Variants in TCTN2 observed in about 807,000 individuals in gnomAD.
The protein encoded by TCTN2 is tectonic family member 2.
TCTN2 carries 66 observed loss-of-function variants against 83.4 expected under a neutral mutation model. The observed-to-expected ratio is 0.79, with a 90% CI of 0.65 to 0.97. The LOEUF (loss-of-function observed/expected upper bound fraction) is 0.97. Among genes scored for constraint, TCTN2 ranks in the 50% least tolerant of loss-of-function variants. TCTN2 has a pLI of 0.00. For synonymous variants in TCTN2, 301 were observed against 326.7 expected, an observed-to-expected ratio of 0.92 and a Z score of 0.85; for missense variants, 794 against 858.1, an observed-to-expected ratio of 0.93 and a Z score of 0.93.
chr12:123,674,665 G>A lies in TCTN2; in HGVS notation c.463+855G>A, dbSNP rs73418112. On this transcript the variant is annotated intron_variant, in intron 4 of 17. Coordinates refer to ENST00000303372, the MANE Select transcript of TCTN2 (RefSeq NM_024809.5). ...TGTAAGTGCTTTGGGAGGCCAAGGC[G>A]GGGGAATTTCTTGAGCCCAGGAGTT... Among the ~76,000 whole-genome samples, 937 of 152,246 alleles carry A rather than the reference G, an allele frequency of 6.2e-3. 12 individuals carry two copies. The highest frequency in any genetic ancestry group is 0.021 in the African/African-American group (881 of 41,560).
intron 4 of TCTN2, among the ~76,000 whole-genome samples, chr12:123,678,576 C>T (rs1477433332): frequency 6.6e-6 from 1 of 152,004 alleles, no homozygotes; most frequent in Non-Finnish European, 1.5e-5. Context: ...GTGTGAGCCA[C>T]CCCGCCCAGC....
In TCTN2 at chr12:123,705,287, C is replaced by T. The variant is rs1021339627; in HGVS notation, c.1769+599C>T. On this transcript the variant is annotated intron_variant, in intron 15 of 17. Transcript: ENST00000303372. ...AAGCGATTCTCCTGCTTCAGCCTCC[C>T]GAGTAGCTGGGATTACAGGCACGTG... Among the ~76,000 whole-genome samples the T allele has an allele frequency of 4.0e-5, 6 of 151,454 alleles. No individual in the cohort carries two copies. The South Asian group carries it at 6.2e-4, about 16-fold the overall frequency.
intron 6 of TCTN2, 146 bp from the exon 7 acceptor site, chr12:123,687,905 A>G (rs1381301036): frequency 3.8e-6 from 4 of 1,041,528 alleles, no homozygotes. Context: ...CGGAGGTAGC[A>G]GTGAACAAAG....
In TCTN2 at chr12:123,686,957, CCG is replaced by C; in HGVS notation, c.687_688del (p.Asp230LeufsTer34). ...GCTGGGACGACGACACGTGGTGTCCCCGATTGGTTTCCCTTTCTGTGTGTGCA... is the reference window on the plus strand; with the variant it reads ...GCTGGGACGACGACACGTGGTGTCCCATTGGTTTCCCTTTCTGTGTGTGCA... On this transcript the variant is annotated frameshift_variant, in exon 6 of 18. Transcript: ENST00000303372. LOFTEE classifies it high-confidence loss of function. The C allele has an allele frequency of 6.2e-7, 1 of 1,614,174 alleles. No individual in the cohort carries two copies.
chr12:123,672,473 C>T (rs1955766813), intron 3 of TCTN2, among the ~76,000 whole-genome samples: 1 of 152,136 alleles, frequency 6.6e-6, no homozygotes, highest in Non-Finnish European at 1.5e-5. Flanking sequence ...TCGTGGCTCA[C>T]GCCTGTACTC....
Position 123,671,276 on chromosome 12 carries a change from G to T in TCTN2, c.36G>T (p.Arg12Ser). 1 of 1,613,842 alleles carries T rather than the reference G, an allele frequency of 6.2e-7. No homozygotes were observed. The highest frequency in any genetic ancestry group is 8.5e-7 in the Non-Finnish European group (1 of 1,179,998). Residue 12 changes from arginine (R) to serine (S), a missense_variant, in exon 1 of 18, where the codon AGG (arginine) becomes AGT (serine). Arg to Ser is a moderately radical substitution (Grantham distance 110). Transcript: ENST00000303372. ...AGCCTCCGGCCGCTCTTCTTTTGAG[G>T]CTTTTCCTTCTGCAGGGCATCCTGA... ...GFQPPAALLL[R>S]LFLLQGILRL...
intron 13 of TCTN2, among the ~76,000 whole-genome samples, chr12:123,698,726 C>T (rs1205436110): frequency 2.0e-5 from 3 of 152,138 alleles, no homozygotes; most frequent in Non-Finnish European, 4.4e-5. Flanking sequence ...CCATTATGCC[C>T]GGCCTGCATG....
chr12:123,687,169 T>A, intron 6 of TCTN2, 134 bp downstream of exon 6: 1 of 993,582 alleles, frequency 1.0e-6, no homozygotes, highest in South Asian at 1.3e-5. Flanking sequence ...AAGGGTTCAA[T>A]TCTAGATTTC....
chr12:123,673,735 A>C lies in TCTN2; in HGVS notation c.388A>C (p.Asn130His), dbSNP rs754451505. ...LQTLLVSASH[N>H]SSCSAHLLIQ... Reference sequence around the variant, plus strand: ...GACCCTTCTGGTTTCAGCATCTCATAATTCATCCTGTTCAGCACATCTACT... The same window carrying C: ...GACCCTTCTGGTTTCAGCATCTCATCATTCATCCTGTTCAGCACATCTACT... The change falls in exon 4 of 18, where the codon AAT becomes CAT. Residue 130 changes from asparagine to histidine, a missense_variant. Asn to His is a moderately conservative substitution (Grantham distance 68). Coordinates refer to ENST00000303372, the MANE Select transcript of TCTN2 (RefSeq NM_024809.5). 1.2e-6 allele frequency: 2 copies of C among 1,614,192 alleles called. No individual in the cohort carries two copies. The highest frequency in any genetic ancestry group is 2.2e-5 in the South Asian group (2 of 91,084).
rs1956095393 is a variant in TCTN2 at position 123,695,346 on chromosome 12, CA to C, written c.1312+51del. The C allele has an allele frequency of 4.9e-6, 6 of 1,227,312 alleles. No homozygotes were observed. The East Asian group carries it at 1.4e-4, about 29-fold the overall frequency. The allele number at this position is 1,227,312 out of a possible 1,614,324, so 76.0% of individuals were successfully genotyped here. A position where few individuals can be genotyped will look rare whatever the true frequency, so the allele number is the denominator to read the frequency against. On this transcript the variant is annotated intron_variant, in intron 11 of 17. Coordinates refer to ENST00000303372, the MANE Select transcript of TCTN2 (RefSeq NM_024809.5). The stretch of plus-strand genomic sequence containing the variant: ...TTGATCTTACAAACATACTTTAGTT[CA>C]ACACTCCCAGCCATCAGGATGGTTA...
At chr12:123,686,580 G>A (rs1255938619) in intron 5 of TCTN2, among the ~76,000 whole-genome samples, 1 of 152,192 alleles carries the variant, frequency 6.6e-6, no homozygotes, top group African/African-American at 2.4e-5. Context: ...AATATCTCAT[G>A]TCCTTGGTAA....
chr12:123,687,384 G>A (rs1955985156), intron 6 of TCTN2, among the ~76,000 whole-genome samples: 1 of 152,214 alleles, frequency 6.6e-6, no homozygotes, highest in South Asian at 2.1e-4. Context: ...TAGGCCGGGA[G>A]CGGTGGCTCA....
chr12:123,678,832 G>C (rs966987328), intron 4 of TCTN2, among the ~76,000 whole-genome samples: 5 of 151,032 alleles, frequency 3.3e-5, no homozygotes, highest in African/African-American at 1.2e-4. Context: ...GAGTCTCACT[G>C]TGTCGCCCAG....
rs1955744793 is a variant in TCTN2, at chr12:123,671,229, G to A, written c.-12G>A. On this transcript the variant is annotated 5_prime_UTR_variant, in exon 1 of 18. Coordinates refer to ENST00000303372, the MANE Select transcript of TCTN2 (RefSeq NM_024809.5). The stretch of plus-strand genomic sequence containing the variant: ...CGCGGTTCTGCTGTGCCCGGCCCGC[G>A]AGGTCTAAGGCATGGGCTTCCAGCC... The A allele has an allele frequency of 6.2e-7, 1 of 1,611,112 alleles. No individual in the cohort carries two copies.
intron 6 of TCTN2, among the ~76,000 whole-genome samples, chr12:123,687,791 A>T (rs1013343925): frequency 6.6e-6 from 1 of 151,896 alleles, no homozygotes; most frequent in Non-Finnish European, 1.5e-5. Flanking sequence ...GTGAAACCCC[A>T]TCTTTACTAA....
intron 15 of TCTN2, among the ~76,000 whole-genome samples, chr12:123,706,191 C>T (rs918147056): frequency 3.9e-5 from 6 of 152,150 alleles, no homozygotes; most frequent in Non-Finnish European, 5.9e-5. Flanking sequence ...GGGTGCACCT[C>T]TGGATTAGGG....
intron 5 of TCTN2, among the ~76,000 whole-genome samples, chr12:123,685,638 T>C (rs1955955158): frequency 6.6e-6 from 1 of 151,832 alleles, no homozygotes; most frequent in Non-Finnish European, 1.5e-5. Context: ...AGGCTGGTTT[T>C]GAACTCCTGA....
intron 8 of TCTN2, among the ~76,000 whole-genome samples, chr12:123,691,561 G>T (rs1956041135): frequency 6.6e-6 from 1 of 152,184 alleles, no homozygotes; most frequent in Admixed American, 6.6e-5. Flanking sequence ...TGATGGACAT[G>T]TGGGTTGTTT....
rs1019335435 is a variant in TCTN2, at chr12:123,707,930, G to C, written c.*217G>C. The C allele has an allele frequency of 5.7e-6, 3 of 526,670 alleles. No individual in the cohort carries two copies. The highest frequency in any genetic ancestry group is 1.0e-5 in the Non-Finnish European group (3 of 290,288). The allele number at this position is 526,670 out of a possible 1,614,324, so 32.6% of individuals were successfully genotyped here. On this transcript the variant is annotated 3_prime_UTR_variant, in exon 18 of 18. Transcript: ENST00000303372. ...CCACCGTATTGGCCAGGCTGCTCTC[G>C]AACTCCTGACCTCATGATCCGCCCA...
Sources: gnomAD v4.1 joint callset for allele counts (sites outside exome capture counted in the v4.1 genomes callset) on GRCh38, gnomAD v4.1.1 for gene constraint, MANE v1.5 for transcripts, NCBI Gene and HGNC (gene_info 2026-07-23, HGNC 2026-07-21) for gene names.